ZNF560: variants seen among roughly 807,000 people sequenced by gnomAD.
ZNF560 encodes zinc finger protein 560.
A neutral mutation model predicts 81.8 loss-of-function variants in ZNF560; 54 were observed. The ratio of observed to expected loss-of-function variants is 0.66; its 90% CI spans 0.53 to 0.83. The LOEUF is 0.83. Ranked by LOEUF, ZNF560 falls within the 40% of genes least tolerant of loss-of-function variation. The probability of loss-of-function intolerance (pLI) is 0.00; values close to 1 mark genes in which losing one functional copy is unlikely to be tolerated. For missense variants in ZNF560, 940 were observed against 932.4 expected (o/e 1.01, Z -0.11); for synonymous variants, 321 against 317.9 (o/e 1.01, Z -0.10).
chr19:9,496,425 C>T (rs969092444), intron 2 of ZNF560, among the ~76,000 whole-genome samples: 1 of 151,454 alleles, frequency 6.6e-6, no homozygotes, highest in African/African-American at 2.4e-5. Context: ...AGGGATTCAC[C>T]ATCTTGGCCA....
intron 2 of ZNF560, among the ~76,000 whole-genome samples, chr19:9,482,996 G>T (rs530849363): frequency 6.6e-6 from 1 of 152,088 alleles, no homozygotes; most frequent in South Asian, 2.1e-4. Flanking sequence ...GTGCAGTGGC[G>T]TGATCTTGGC....
At chr19:9,481,658 C>A (rs1423918570) in intron 2 of ZNF560, among the ~76,000 whole-genome samples, 1 of 152,132 alleles carries the variant, frequency 6.6e-6, no homozygotes, top group African/African-American at 2.4e-5. Flanking sequence ...ATGCAGCCAA[C>A]AGACACATGA....
upstream of ZNF560, among the ~76,000 whole-genome samples, chr19:9,499,245 C>T (rs961275852): frequency 5.3e-5 from 8 of 152,022 alleles, no homozygotes; most frequent in African/African-American, 1.9e-4. Flanking sequence ...AGGAACACGG[C>T]TCACTGCAGT....
chr19:9,454,571 CTTAT>C, the ZNF560 span, among the ~76,000 whole-genome samples: 1 of 152,148 alleles, frequency 6.6e-6, no homozygotes, highest in Non-Finnish European at 1.5e-5. Context: ...AGGCACAAGG[CTTAT>C]TTGAGTCTGC....
At chr19:9,493,936 C>A (rs1381709812) in intron 2 of ZNF560, among the ~76,000 whole-genome samples, 1 of 151,596 alleles carries the variant, frequency 6.6e-6, no homozygotes, top group East Asian at 2.0e-4. Context: ...AGTTCCAGAC[C>A]AGCCTGGCCA....
chr19:9,502,699 C>T (rs1404574311), upstream of ZNF560, among the ~76,000 whole-genome samples: 1 of 152,150 alleles, frequency 6.6e-6, no homozygotes, highest in African/African-American at 2.4e-5. Context: ...TTCTGTGTTT[C>T]TAGAAATGTG....
At chr19:9,472,714 A>G (rs539150795) in intron 5 of ZNF560, among the ~76,000 whole-genome samples, 1 of 152,300 alleles carries the variant, frequency 6.6e-6, no homozygotes, top group African/African-American at 2.4e-5. Flanking sequence ...GTAGAGTTGT[A>G]TAATTATTTC....
the ZNF560 span, among the ~76,000 whole-genome samples, chr19:9,455,348 C>T: frequency 6.6e-6 from 1 of 152,208 alleles, no homozygotes; most frequent in African/African-American, 2.4e-5. Context: ...GGCTCCTGCT[C>T]AGTTTTTACA....
intron 2 of ZNF560, among the ~76,000 whole-genome samples, chr19:9,490,716 A>T (rs756674597): frequency 3.9e-5 from 6 of 152,214 alleles, no homozygotes; most frequent in Non-Finnish European, 7.3e-5. Flanking sequence ...CATAAGCCAC[A>T]GTTTGCCAAT....
the ZNF560 span, among the ~76,000 whole-genome samples, chr19:9,452,221 A>T: frequency 6.6e-6 from 1 of 152,310 alleles, no homozygotes; most frequent in Admixed American, 6.5e-5. Context: ...ATGAGATACC[A>T]TCTCAAACCA....
At position 9,466,853 on chromosome 19, in the gene ZNF560, G is replaced by A; in HGVS notation, c.2094C>T (p.Cys698=). ...ACGNSFRNSM[C]FHDRLKTLTK... ...TGAGAGTTTTTAAGCGATCATGAAA[G>A]CACATGGAATTTCGAAAGGAATTTC... Residue 698 remains cysteine, a synonymous_variant, in exon 10 of 10, where the codon TGC becomes TGT. Transcript: ENST00000301480. The A allele has an allele frequency of 6.2e-7, 1 of 1,613,642 alleles. No homozygotes were observed.
downstream of ZNF560, among the ~76,000 whole-genome samples, chr19:9,466,044 G>C (rs550546506): frequency 6.6e-6 from 1 of 151,574 alleles, no homozygotes; most frequent in Admixed American, 6.6e-5. Context: ...GTTTCTACAC[G>C]TTCAGTAAGA....
chr19:9,474,170 G>GTA, intron 4 of ZNF560, 29 bp downstream of exon 4: 1 of 1,613,608 alleles, frequency 6.2e-7, no homozygotes, highest in Non-Finnish European at 8.5e-7. Context: ...TCTTCCCTAA[G>GTA]AGGCTGCATA....
downstream of ZNF560, among the ~76,000 whole-genome samples, chr19:9,465,129 ATTTTTTT>A (rs887659069): frequency 7.7e-6 from 1 of 129,526 alleles, no homozygotes; most frequent in Admixed American, 8.0e-5. Context: ...AAAGCTATTG[ATTTTTTT>A]TTTTTTTTTT....
chr19:9,459,036 A>G, the ZNF560 span, among the ~76,000 whole-genome samples: 1 of 152,224 alleles, frequency 6.6e-6, no homozygotes, highest in African/African-American at 2.4e-5. Flanking sequence ...TCCAGCTTCT[A>G]TTAAAACAGA....
At chr19:9,496,597 T>TG in intron 2 of ZNF560, among the ~76,000 whole-genome samples, 1 of 74,604 alleles carries the variant, frequency 1.3e-5, no homozygotes, top group Non-Finnish European at 2.5e-5. Flanking sequence ...AAAAAAAAGG[T>TG]GGGGGTGGGG....
the ZNF560 span, among the ~76,000 whole-genome samples, chr19:9,448,119 A>G: frequency 3.3e-5 from 5 of 152,216 alleles, no homozygotes; most frequent in African/African-American, 7.2e-5. Context: ...ACTAAGCTTC[A>G]TAAGAGTAGA....
chr19:9,498,875 C>A (rs1339345598), upstream of ZNF560: 2 of 152,296 alleles, frequency 1.3e-5, no homozygotes, highest in African/African-American at 4.8e-5. Flanking sequence ...CCGGTGGCTT[C>A]GGTGGCAGAA....
the ZNF560 span, among the ~76,000 whole-genome samples, chr19:9,460,977 AATG>A: frequency 6.6e-6 from 1 of 152,200 alleles, no homozygotes; most frequent in South Asian, 2.1e-4. Flanking sequence ...AGATGGTAAA[AATG>A]ATAAGAAGTA....
Sources: allele counts gnomAD v4.1 joint callset (sites outside exome capture counted in the v4.1 genomes callset), GRCh38; gene constraint gnomAD v4.1.1; transcripts MANE v1.5; gene names NCBI Gene and HGNC (gene_info 2026-07-23, HGNC 2026-07-21).